The following FAM83F variants were observed in gnomAD, a reference collection of about 807,000 sequenced individuals.
FAM83F encodes the protein protein FAM83F.
A neutral mutation model predicts 42.9 loss-of-function variants in FAM83F; 45 were observed. The observed-to-expected ratio is 1.05, with a 90% CI of 0.83 to 1.35. The LOEUF (loss-of-function observed/expected upper bound fraction) is 1.35. Ranked by LOEUF, FAM83F falls within the 40% of genes most tolerant of loss-of-function variation. The pLI is 0.00. For synonymous variants in FAM83F, 306 were observed against 298.3 expected (o/e 1.03, Z -0.27); for missense variants, 617 against 695.9 (o/e 0.89, Z 1.28).
rs76158584 is a variant in FAM83F at position 40,030,291 on chromosome 22, T to C, written c.*726T>C. ...TCCTGGCAGTCTCGGCATGGGTGGT[T>C]GAGACCTCCTTGGCTGCTGCCTGCT... On this transcript the variant is annotated 3_prime_UTR_variant, in exon 5 of 5. Transcript: ENST00000333407. The C allele has an allele frequency of 0.04, 6,057 of 152,422 alleles. 401 individuals are homozygous for C. The highest frequency in any genetic ancestry group is 0.14 in the African/African-American group (5,746 of 41,540). 9.4% of individuals were successfully genotyped at this position (152,422 alleles called of 1,614,324 possible).
chr22:40,031,159 A>G lies in FAM83F; in HGVS notation c.*1594A>G, dbSNP rs1468464761. The G allele has an allele frequency of 2.0e-5, 3 of 151,026 alleles. No individual in the cohort carries two copies. The highest frequency in any genetic ancestry group is 4.4e-5 in the Non-Finnish European group (3 of 67,934). The allele number at this position is 151,026 out of a possible 1,614,324, so 9.4% of individuals were successfully genotyped here. On this transcript the variant is annotated 3_prime_UTR_variant, in exon 5 of 5. Transcript: ENST00000333407. ...CTCTGGCCCACCTCCCTGAGCTTTT[A>G]TGAAGGTGAAATGCTTCTGGGAAGT...
chr22:40,002,634 C>G (rs1381607270), intron 1 of FAM83F, among the ~76,000 whole-genome samples: 1 of 152,200 alleles, frequency 6.6e-6, no homozygotes, highest in East Asian at 1.9e-4. Context: ...CCATCTCTTT[C>G]CTAGCTCACT....
At chr22:40,011,334 G>A (rs993034575) in intron 1 of FAM83F, among the ~76,000 whole-genome samples, 4 of 152,132 alleles carry the variant, frequency 2.6e-5, no homozygotes, top group Admixed American at 1.3e-4. Context: ...ACAGGTGTGC[G>A]CCACCATGCC....
intron 4 of FAM83F, among the ~76,000 whole-genome samples, chr22:40,024,936 C>T (rs2067542950): frequency 6.6e-6 from 1 of 152,134 alleles, no homozygotes; most frequent in Non-Finnish European, 1.5e-5. Flanking sequence ...GCCAGGGGTG[C>T]CCAGCGGTTT....
chr22:40,019,108 G>C (rs534200594), intron 1 of FAM83F, 60 bp from the exon 2 acceptor site: 5 of 1,592,366 alleles, frequency 3.1e-6, no homozygotes, highest in Admixed American at 3.4e-5. Flanking sequence ...CATCTGAGCA[G>C]GGCATGCCTC....
intron 1 of FAM83F, among the ~76,000 whole-genome samples, chr22:40,009,233 C>T (rs1291577817): frequency 6.6e-6 from 1 of 152,092 alleles, no homozygotes; most frequent in African/African-American, 2.4e-5. Context: ...TCCCTTCCTT[C>T]CCCAGGATAA....
At chr22:40,028,824 C>A (rs1051965270) in intron 4 of FAM83F, among the ~76,000 whole-genome samples, 1 of 152,240 alleles carries the variant, frequency 6.6e-6, no homozygotes, top group African/African-American at 2.4e-5. Context: ...ACGGTGGCAG[C>A]TCTTGGCCAG....
intron 1 of FAM83F, among the ~76,000 whole-genome samples, chr22:40,001,020 C>T (rs1189457967): frequency 1.3e-5 from 2 of 152,238 alleles, no homozygotes; most frequent in Admixed American, 1.3e-4. Flanking sequence ...GATAATGGCA[C>T]AGCTGCAGCT....
intron 1 of FAM83F, among the ~76,000 whole-genome samples, chr22:40,018,621 T>C (rs1382010988): frequency 4.7e-5 from 7 of 148,382 alleles, no homozygotes; most frequent in Non-Finnish European, 5.9e-5. Flanking sequence ...TTTTTTTTTT[T>C]CGCTCTTGTT....
intron 1 of FAM83F, among the ~76,000 whole-genome samples, chr22:40,012,344 A>G (rs1044912686): frequency 6.6e-6 from 1 of 151,060 alleles, no homozygotes; most frequent in Admixed American, 6.6e-5. Context: ...CATGTTGGCC[A>G]GGCTGGTCTC....
intron 4 of FAM83F, among the ~76,000 whole-genome samples, chr22:40,022,737 G>A (rs183477051): frequency 3.9e-5 from 6 of 152,312 alleles, no homozygotes; most frequent in Admixed American, 3.9e-4. Flanking sequence ...GCATCCCTGA[G>A]TCAGGGGACT....
rs761893807 is a variant in FAM83F at position 40,021,574 on chromosome 22, C to G, written c.1064C>G (p.Pro355Arg). Residue 355 changes from proline (P) to arginine (R), a missense_variant, in exon 4 of 5, where the codon CCG (proline) becomes CGG (arginine). Pro to Arg is a moderately radical substitution (Grantham distance 103, BLOSUM62 -2). Transcript: ENST00000333407. This position sits in a 1 kb window ranked among gnomAD's most constrained non-coding sequence, Gnocchi z 8.7. ...ARQQREAGGN[P>R]EGQEEGASGG... is the part of the protein sequence containing the mutation. Reference sequence around the variant, plus strand: ...CAACAGCGGGAGGCGGGCGGCAACCCGGAGGGGCAGGAGGAGGGCGCCAGC... The same window carrying G: ...CAACAGCGGGAGGCGGGCGGCAACCGGGAGGGGCAGGAGGAGGGCGCCAGC... 3.2e-6 allele frequency: 5 copies of G among 1,568,630 alleles called. No homozygotes were observed. The highest frequency in any genetic ancestry group is 1.4e-5 in the African/African-American group (1 of 73,812).
chr22:40,009,348 C>T (rs960038009), intron 1 of FAM83F, among the ~76,000 whole-genome samples: 1 of 152,088 alleles, frequency 6.6e-6, no homozygotes, highest in Non-Finnish European at 1.5e-5. Flanking sequence ...TTGCAGGCAA[C>T]AGCAGCCGCA....
At chr22:40,006,703 C>T (rs973991138) in intron 1 of FAM83F, among the ~76,000 whole-genome samples, 7 of 152,140 alleles carry the variant, frequency 4.6e-5, no homozygotes, top group East Asian at 3.8e-4. Flanking sequence ...TTGGGTTGGA[C>T]GCACATGAAG....
At position 40,013,082 on chromosome 22, in the gene FAM83F, C is replaced by CAAAAAAA. The variant is rs754625979; in HGVS notation, c.490-6067_490-6061dup. Among the ~76,000 whole-genome samples, 120 of 46,400 alleles carry CAAAAAAA rather than the reference C, an allele frequency of 2.6e-3. 9 individuals carry two copies. Among genetic ancestry groups the CAAAAAAA allele is most frequent in the East Asian group, 0.024 (30 of 1,254 alleles). The allele number at this position is 46,400 out of a possible 152,430, so 30.4% of individuals were successfully genotyped here. A position where few individuals can be genotyped will look rare whatever the true frequency, so the allele number is the denominator to read the frequency against. On this transcript the variant is annotated intron_variant, in intron 1 of 4. Coordinates refer to ENST00000333407, the MANE Select transcript of FAM83F (RefSeq NM_138435.4). ...TGGGCGACAGAGCGAGACTCCGTTT[C>CAAAAAAA]AAAAAAAAAAAAAAAAAAAAAAAAA...
intron 1 of FAM83F, among the ~76,000 whole-genome samples, chr22:40,014,586 A>G (rs2067484386): frequency 6.6e-6 from 1 of 152,098 alleles, no homozygotes; most frequent in Non-Finnish European, 1.5e-5. Flanking sequence ...ATTGGCCTTA[A>G]TATTCTTTTT....
rs2067640369 is a variant in FAM83F, at chr22:40,039,127, G to A, written c.*9562G>A. On this transcript the variant is annotated 3_prime_UTR_variant, in exon 5 of 5. Coordinates refer to ENST00000333407, the MANE Select transcript of FAM83F (RefSeq NM_138435.4). ...ATAGTATGCAGTTTTTTTAATTTGA[G>A]ATGGAGTCTCCCTTTGTTGCCCAGG... 6.6e-6 allele frequency: 1 copy of A among 152,164 alleles called. No homozygotes were observed. The highest frequency in any genetic ancestry group is 1.5e-5 in the Non-Finnish European group (1 of 68,060). 9.4% of individuals were successfully genotyped at this position (152,164 alleles called of 1,614,324 possible).
intron 3 of FAM83F, among the ~76,000 whole-genome samples, chr22:40,020,844 A>T (rs987814850): frequency 6.6e-5 from 10 of 152,194 alleles, no homozygotes; most frequent in Non-Finnish European, 1.3e-4. Context: ...TGCTTAAAAA[A>T]ATCAGAAAAG....
chr22:40,018,043 G>T (rs2067500999), intron 1 of FAM83F, among the ~76,000 whole-genome samples: 1 of 152,228 alleles, frequency 6.6e-6, no homozygotes. Context: ...GGAAGTAGCT[G>T]TGGTTAGAAA....
Sources: allele counts gnomAD v4.1 joint callset (sites outside exome capture counted in the v4.1 genomes callset), GRCh38; gene constraint gnomAD v4.1.1; non-coding constraint Gnocchi (gnomAD v3.1); transcripts MANE v1.5; gene names NCBI Gene and HGNC (gene_info 2026-07-23, HGNC 2026-07-21).